INPP4B: variants seen among roughly 807,000 people sequenced by gnomAD.
INPP4B encodes inositol polyphosphate-4-phosphatase type II B.
A neutral mutation model predicts 122.5 loss-of-function variants in INPP4B; 55 were observed. The ratio of observed to expected loss-of-function variants is 0.45; its 90% confidence interval spans 0.36 to 0.56. The LOEUF is 0.56. INPP4B is among the 20% of genes least tolerant of loss of function. The pLI is 0.00. For missense variants in INPP4B, 1,000 were observed against 1,097.7 expected (o/e 0.91, Z 1.26); for synonymous variants, 403 against 388.7 (o/e 1.04, Z -0.43).
intron 1 of INPP4B, among the ~76,000 whole-genome samples, chr4:142,807,735 G>A (rs1779033505): frequency 6.6e-6 from 1 of 152,106 alleles, no homozygotes; most frequent in Non-Finnish European, 1.5e-5. Flanking sequence ...ACTTTCAGTA[G>A]CCCCTGATTG....
Position 142,483,182 on chromosome 4 carries a change from C to CTTTTTTTTTTTTTTTTTTT in INPP4B, c.-190-20475_-190-20457dup, listed in dbSNP as rs5862604. Among the ~76,000 whole-genome samples the CTTTTTTTTTTTTTTTTTTT allele has an allele frequency of 3.1e-4, 15 of 48,334 alleles. 5 individuals are homozygous for CTTTTTTTTTTTTTTTTTTT. Among genetic ancestry groups the CTTTTTTTTTTTTTTTTTTT allele is most frequent in the African/African-American group, 1.4e-3 (14 of 10,092 alleles). The allele number at this position is 48,334 out of a possible 152,430, so 31.7% of individuals were successfully genotyped here. On this transcript the variant is annotated intron_variant, in intron 2 of 25. Coordinates refer to ENST00000262992, the MANE Select transcript of INPP4B (RefSeq NM_001101669.3). ...TAATAATGACTGGAGTCAGGCTATGCTTTTTTTTTTTTTTTTTTTTTTTTT... is the reference window on the plus strand; with the variant it reads ...TAATAATGACTGGAGTCAGGCTATGCTTTTTTTTTTTTTTTTTTTTTTTTTTTTTTTTTTTTTTTTTTTT...
chr4:142,617,649 A>G (rs1443458548), intron 2 of INPP4B, among the ~76,000 whole-genome samples: 1 of 152,154 alleles, frequency 6.6e-6, no homozygotes, highest in Non-Finnish European at 1.5e-5. Flanking sequence ...GCATTATCCT[A>G]GGCACTGTCT....
At chr4:142,825,626 A>AT (rs1276769639) in intron 1 of INPP4B, among the ~76,000 whole-genome samples, 12 of 152,126 alleles carry the variant, frequency 7.9e-5, no homozygotes, top group Non-Finnish European at 1.6e-4. Context: ...TTAGAGCCAC[A>AT]AGTGCTTTTG....
chr4:142,572,689 T>A (rs967236708), intron 2 of INPP4B, among the ~76,000 whole-genome samples: 1 of 152,000 alleles, frequency 6.6e-6, no homozygotes, highest in Admixed American at 6.6e-5. Context: ...AAGTTAATGA[T>A]GTCTTATTAA....
In INPP4B at chr4:142,024,559, A is replaced by G. The variant is rs1452212282; in HGVS notation, c.*4223T>C. 6.6e-6 allele frequency: 1 copy of G among 152,156 alleles called. No individual in the cohort carries two copies. The highest frequency in any genetic ancestry group is 2.4e-5 in the African/African-American group (1 of 41,442). 9.4% of individuals were successfully genotyped at this position (152,156 alleles called of 1,614,324 possible). ...CCTAAAAGACTACAAATGGTGCCTC[A>G]TATATTGAACCAAACAAATGATATA... On this transcript the variant is annotated 3_prime_UTR_variant, in exon 26 of 26. Coordinates refer to ENST00000262992, the MANE Select transcript of INPP4B (RefSeq NM_001101669.3).
intron 15 of INPP4B, among the ~76,000 whole-genome samples, chr4:142,187,595 A>G (rs1419015120): frequency 3.9e-5 from 6 of 151,974 alleles, no homozygotes; most frequent in Non-Finnish European, 8.8e-5. Context: ...ACACACAGAC[A>G]CACATTTTTT....
chr4:142,068,536 C>A (rs1209661829), intron 25 of INPP4B, among the ~76,000 whole-genome samples: 1 of 152,064 alleles, frequency 6.6e-6, no homozygotes, highest in Admixed American at 6.5e-5. Flanking sequence ...CACAGACTGG[C>A]AAACTGGATA....
chr4:142,526,565 C>G (rs893442163), intron 2 of INPP4B, among the ~76,000 whole-genome samples: 1 of 152,036 alleles, frequency 6.6e-6, no homozygotes, highest in Non-Finnish European at 1.5e-5. Flanking sequence ...AGTTAATCGA[C>G]CATGGCATGC....
At chr4:142,641,097 T>G (rs1750296723) in intron 2 of INPP4B, among the ~76,000 whole-genome samples, 1 of 152,032 alleles carries the variant, frequency 6.6e-6, no homozygotes. Context: ...TAAATGCACA[T>G]ACACGAGCCC....
intron 2 of INPP4B, among the ~76,000 whole-genome samples, chr4:142,708,040 G>A (rs1179755574): frequency 3.3e-5 from 5 of 152,178 alleles, no homozygotes; most frequent in Middle Eastern, 3.2e-3. Flanking sequence ...TTTGTTATGC[G>A]TTAGCAAAGA....
At chr4:142,438,938 T>C (rs777590884) in intron 3 of INPP4B, among the ~76,000 whole-genome samples, 5 of 152,230 alleles carry the variant, frequency 3.3e-5, no homozygotes, top group Non-Finnish European at 1.5e-5. Context: ...TATTTATAAA[T>C]TTCTTGTGAA....
chr4:142,693,678 T>C (rs956513200), intron 2 of INPP4B, among the ~76,000 whole-genome samples: 2 of 152,106 alleles, frequency 1.3e-5, no homozygotes, highest in Non-Finnish European at 2.9e-5. Flanking sequence ...ACTTACATGA[T>C]TTTTTTCCCT....
At chr4:142,412,301 G>A (rs1475980722) in intron 5 of INPP4B, among the ~76,000 whole-genome samples, 1 of 152,048 alleles carries the variant, frequency 6.6e-6, no homozygotes, top group Admixed American at 6.6e-5. Flanking sequence ...TACTTTATTA[G>A]TATAATATGC....
intron 5 of INPP4B, among the ~76,000 whole-genome samples, chr4:142,415,695 C>A (rs182635921): frequency 6.6e-6 from 1 of 152,124 alleles, no homozygotes; most frequent in African/African-American, 2.4e-5. Flanking sequence ...TATAAAGACA[C>A]GTGCACACGT....
intron 2 of INPP4B, among the ~76,000 whole-genome samples, chr4:142,477,384 C>T (rs72946839): frequency 6.6e-6 from 1 of 151,412 alleles, no homozygotes; most frequent in Non-Finnish European, 1.5e-5. Context: ...CCTAGAGGAA[C>T]TAGAGAAATA....
intron 2 of INPP4B, among the ~76,000 whole-genome samples, chr4:142,578,738 T>TG (rs1734381136): frequency 1.3e-5 from 2 of 152,014 alleles, no homozygotes; most frequent in Non-Finnish European, 2.9e-5. Context: ...AATATATGAA[T>TG]GGGGGGACAT....
chr4:142,215,097 T>C (rs541126563), intron 12 of INPP4B, among the ~76,000 whole-genome samples: 2 of 152,268 alleles, frequency 1.3e-5, no homozygotes, highest in South Asian at 4.1e-4. Flanking sequence ...ATAAGATTCA[T>C]AAACTCCCAG....
At position 142,123,419 on chromosome 4, in the gene INPP4B, A is replaced by G. The variant is rs1578988035; in HGVS notation, c.1894-4T>C. ...AACCACAAACCAATCCAGCAAGCTG[A>G]AAAAAAAATATTGATGAGATTTACT... On this transcript the variant is annotated splice_polypyrimidine_tract_variant and splice_region_variant and intron_variant, in intron 19 of 25. Coordinates refer to ENST00000262992, the MANE Select transcript of INPP4B (RefSeq NM_001101669.3). The G allele has an allele frequency of 6.4e-7, 1 of 1,570,220 alleles. No homozygotes were observed. The highest frequency in any genetic ancestry group is 8.7e-7 in the Non-Finnish European group (1 of 1,154,688).
intron 1 of INPP4B, among the ~76,000 whole-genome samples, chr4:142,769,690 G>A (rs1022830313): frequency 1.3e-5 from 2 of 152,032 alleles, no homozygotes; most frequent in Non-Finnish European, 2.9e-5. Flanking sequence ...TGAGGCAGAT[G>A]GATCACCTGA....
Sources: gnomAD v4.1 joint callset for allele counts (sites outside exome capture counted in the v4.1 genomes callset) on GRCh38, gnomAD v4.1.1 for gene constraint, MANE v1.5 for transcripts, NCBI Gene and HGNC (gene_info 2026-07-23, HGNC 2026-07-21) for gene names.